The following GPHN variants were observed in gnomAD, a reference collection of about 807,000 sequenced individuals.
GPHN encodes the protein gephyrin.
In GPHN, 17 loss-of-function variants were observed where a neutral mutation model predicts 95.5. The ratio of observed to expected loss-of-function variants is 0.18; its 90% CI spans 0.12 to 0.27. The LOEUF (loss-of-function observed/expected upper bound fraction) is 0.27. Ranked by LOEUF, GPHN falls within the 10% of genes least tolerant of loss-of-function variation. GPHN has a pLI of 1.00. For synonymous variants in GPHN, 320 were observed against 322.5 expected (o/e 0.99, Z 0.08); for missense variants, 660 against 978.1 (o/e 0.67, Z 4.34).
At chr14:67,208,843 G>C in the GPHN span, among the ~76,000 whole-genome samples, 1 of 149,542 alleles carries the variant, frequency 6.7e-6, no homozygotes, top group Non-Finnish European at 1.5e-5. Flanking sequence ...GTTGCAGTGA[G>C]CCAAGATCAC....
At position 67,045,255 on chromosome 14, in the gene GPHN, C is replaced by G. The variant is rs182439747; in HGVS notation, c.1007-13394C>G. On this transcript the variant is annotated intron_variant, in intron 10 of 22. Transcript: ENST00000478722. ...ATCTCCAAACACTTCTCTCAATTTC[C>G]ACAACTACCCGCAGCCCCTTGTGGA... is the stretch of plus-strand genomic sequence containing the variant. 1.8e-3 allele frequency among the ~76,000 whole-genome samples: 279 copies of G among 152,346 alleles called. 5 individuals are homozygous for G. The highest frequency in any genetic ancestry group is 3.4e-3 in the Non-Finnish European group (233 of 68,032).
intron 14 of GPHN, among the ~76,000 whole-genome samples, chr14:67,111,260 C>G (rs1314041534): frequency 6.6e-6 from 1 of 152,192 alleles, no homozygotes; most frequent in Non-Finnish European, 1.5e-5. Flanking sequence ...GGGAAGCCAG[C>G]AAAGCACTGA....
chr14:67,439,533 GTTTCTTTCTTTCTTTC>G, the GPHN span, among the ~76,000 whole-genome samples: 233 of 96,136 alleles, frequency 2.4e-3, 2 homozygotes, highest in African/African-American at 5.8e-3. Flanking sequence ...AAATTCAATA[GTTTCTTTCTTTCTTTC>G]TTTCTTTCTT....
chr14:67,179,935 A>G (rs1567458560), intron 22 of GPHN, among the ~76,000 whole-genome samples: 1 of 152,210 alleles, frequency 6.6e-6, no homozygotes, highest in African/African-American at 2.4e-5. Context: ...CCTGTAATAA[A>G]TCTGGAATTA....
chr14:67,025,477 C>A (rs2073877835), intron 10 of GPHN, among the ~76,000 whole-genome samples: 1 of 152,012 alleles, frequency 6.6e-6, no homozygotes, highest in Admixed American at 6.6e-5. Context: ...GAGAGTCTTG[C>A]TATGGAAGAA....
chr14:66,686,252 A>G (rs1595547655), intron 2 of GPHN, among the ~76,000 whole-genome samples: 1 of 152,140 alleles, frequency 6.6e-6, no homozygotes, highest in East Asian at 1.9e-4. Context: ...TTCCATATGA[A>G]CTTTAAAGTA....
intron 1 of GPHN, among the ~76,000 whole-genome samples, chr14:66,517,283 T>C (rs2058288194): frequency 6.6e-6 from 1 of 152,114 alleles, no homozygotes; most frequent in Non-Finnish European, 1.5e-5. Flanking sequence ...GTCTAAACTT[T>C]AAAAATTATG....
At chr14:67,320,359 T>C in the GPHN span, 1 of 1,611,752 alleles carries the variant, frequency 6.2e-7, no homozygotes, top group South Asian at 1.1e-5. Flanking sequence ...CAGAGGCTCA[T>C]GAACAAAGAA....
the GPHN span, among the ~76,000 whole-genome samples, chr14:67,224,415 T>G: frequency 6.6e-6 from 1 of 151,950 alleles, no homozygotes; most frequent in Non-Finnish European, 1.5e-5. Context: ...CGTGCCACTA[T>G]GCCTAGCTAA....
chr14:66,981,635 G>A (rs1265517774), intron 9 of GPHN, among the ~76,000 whole-genome samples: 1 of 151,982 alleles, frequency 6.6e-6, no homozygotes, highest in African/African-American at 2.4e-5. Flanking sequence ...GTATAATAAG[G>A]TTAAAAATAT....
chr14:66,540,761 A>G (rs2059325208), intron 1 of GPHN, among the ~76,000 whole-genome samples: 1 of 152,140 alleles, frequency 6.6e-6, no homozygotes, highest in Admixed American at 6.5e-5. Context: ...AGTTCTAAGT[A>G]TAAAATATTT....
intron 5 of GPHN, among the ~76,000 whole-genome samples, chr14:66,898,769 A>G (rs909486987): frequency 1.3e-5 from 2 of 151,960 alleles, no homozygotes; most frequent in African/African-American, 4.8e-5. Context: ...TCTACAAAAA[A>G]ATTGCTCAGA....
At chr14:66,820,076 A>G (rs751980646) in intron 3 of GPHN, among the ~76,000 whole-genome samples, 3 of 152,172 alleles carry the variant, frequency 2.0e-5, no homozygotes, top group Admixed American at 6.5e-5. Context: ...GGTTACAGTC[A>G]TATGTTAACT....
the GPHN span, chr14:67,570,221 G>A: frequency 3.6e-5 from 14 of 384,250 alleles, no homozygotes; most frequent in African/African-American, 6.6e-5. Context: ...CAGTATGAAC[G>A]TGGACAAGGT....
At chr14:67,145,991 G>A (rs367772235) in intron 18 of GPHN, among the ~76,000 whole-genome samples, 54 of 152,272 alleles carry the variant, frequency 3.5e-4, no homozygotes, top group African/African-American at 1.2e-3. Flanking sequence ...AAAGCATCAG[G>A]GAGACACAGC....
chr14:67,472,829 G>A, the GPHN span: 1 of 154,920 alleles, frequency 6.5e-6, no homozygotes, highest in Admixed American at 6.4e-5. Context: ...GAAGGCCAAG[G>A]GAGCAGCGCA....
At chr14:66,688,889 G>GA (rs1166485388) in intron 2 of GPHN, among the ~76,000 whole-genome samples, 1 of 128,458 alleles carries the variant, frequency 7.8e-6, no homozygotes. Context: ...GCAGGGAGTG[G>GA]AACATCACAC....
intron 1 of GPHN, among the ~76,000 whole-genome samples, chr14:66,548,367 G>C (rs2059685097): frequency 6.6e-6 from 1 of 151,962 alleles, no homozygotes. Flanking sequence ...TTTTAGTAGA[G>C]ATGGGGTTTC....
chr14:67,332,815 A>G, the GPHN span: 14 of 1,613,392 alleles, frequency 8.7e-6, no homozygotes, highest in Admixed American at 2.3e-4. Flanking sequence ...AGAAGACAAG[A>G]GAGATGGAGC....
Sources: gnomAD v4.1 joint callset for allele counts (sites outside exome capture counted in the v4.1 genomes callset) on GRCh38, gnomAD v4.1.1 for gene constraint, MANE v1.5 for transcripts, NCBI Gene and HGNC (gene_info 2026-07-23, HGNC 2026-07-21) for gene names.